The following PARD3B variants were observed in gnomAD, a reference collection of about 807,000 sequenced individuals.
PARD3B encodes the protein partitioning defective 3 homolog B.
PARD3B carries 103 observed loss-of-function variants against 130.2 expected under a neutral mutation model. That is an observed-to-expected ratio of 0.79 (90% CI 0.67 to 0.93). The LOEUF is 0.93. Ranked by LOEUF, PARD3B falls within the 40% of genes least tolerant of loss-of-function variation. The pLI, the probability that PARD3B is intolerant of heterozygous loss-of-function variation, is 0.00. For missense variants in PARD3B, 1,609 were observed against 1,499.2 expected (o/e 1.07, Z -1.21); for synonymous variants, 583 against 553.2 (o/e 1.05, Z -0.76).
At chr2:204,787,309 C>G (rs1055775272) in intron 2 of PARD3B, among the ~76,000 whole-genome samples, 5 of 152,106 alleles carry the variant, frequency 3.3e-5, no homozygotes, top group African/African-American at 1.2e-4. Flanking sequence ...TTAGAGACCC[C>G]TCAACTTCTG....
At chr2:205,134,698 C>G (rs2032321898) in intron 10 of PARD3B, among the ~76,000 whole-genome samples, 1 of 152,110 alleles carries the variant, frequency 6.6e-6, no homozygotes, top group Admixed American at 6.6e-5. Context: ...TTGCTGCTCC[C>G]TAAGAAGTAC....
At chr2:205,033,394 A>G (rs1397482) in intron 3 of PARD3B, among the ~76,000 whole-genome samples, 56,432 of 151,966 alleles carry the variant, frequency 0.37, 10,709 homozygotes, top group South Asian at 0.51. Flanking sequence ...GCTATAGATT[A>G]TCTCCTTTTG....
At chr2:204,665,382 T>C (rs2035979361) in intron 1 of PARD3B, among the ~76,000 whole-genome samples, 1 of 152,150 alleles carries the variant, frequency 6.6e-6, no homozygotes, top group African/African-American at 2.4e-5. Flanking sequence ...CTGGTGTGGC[T>C]CTTCTGTGGC....
chr2:204,754,220 T>G (rs1301054501), intron 2 of PARD3B, among the ~76,000 whole-genome samples: 1 of 152,118 alleles, frequency 6.6e-6, no homozygotes, highest in Non-Finnish European at 1.5e-5. Context: ...TCACAGGTGA[T>G]TTGGTTGGTA....
chr2:204,800,138 A>G (rs981969175), intron 2 of PARD3B, among the ~76,000 whole-genome samples: 1 of 152,222 alleles, frequency 6.6e-6, no homozygotes, highest in South Asian at 2.1e-4. Flanking sequence ...GATAGCACAG[A>G]GAAGGAATTC....
chr2:205,206,216 CT>C (rs201694463), intron 15 of PARD3B, among the ~76,000 whole-genome samples: 3,049 of 127,820 alleles, frequency 0.024, 47 homozygotes, highest in South Asian at 0.05. Flanking sequence ...TTTTTTTTTT[CT>C]TTTTTTTTTT....
At position 204,965,232 on chromosome 2, in the gene PARD3B, A is replaced by G. The variant is rs1334039771; in HGVS notation, c.303A>G (p.Pro101=). 15 of 1,613,982 alleles carry G rather than the reference A, an allele frequency of 9.3e-6. No homozygotes were observed. Among genetic ancestry groups the G allele is most frequent in the Non-Finnish European group, 1.3e-5 (15 of 1,179,918 alleles). The change falls in exon 3 of 23, where the codon CCA becomes CCG. Residue 101 remains proline (P), a synonymous_variant. Transcript: ENST00000406610. The part of the protein sequence containing the change: ...PSGNPADRQS[P]DAFETEVAAQ... ...GAAACCCTGCAGATCGGCAGAGCCCAGATGCTTTTGAGACAGAAGTGGCCG... is the reference window on the plus strand; with the variant it reads ...GAAACCCTGCAGATCGGCAGAGCCCGGATGCTTTTGAGACAGAAGTGGCCG...
At chr2:205,192,313 T>C (rs2036440034) in intron 14 of PARD3B, among the ~76,000 whole-genome samples, 1 of 152,210 alleles carries the variant, frequency 6.6e-6, no homozygotes, top group South Asian at 2.1e-4. Context: ...CTTTAGATTT[T>C]GTAAGGATAC....
In PARD3B at chr2:204,550,582, A is replaced by G. The variant is rs532244190; in HGVS notation, c.120+4463A>G. On this transcript the variant is annotated intron_variant, in intron 1 of 22. Transcript: ENST00000406610. ...ATAGCAGGCATGCTGGAATTTACAA[A>G]GGCCAATTTGTGGCTCTGACTGCGT... is the stretch of plus-strand genomic sequence containing the variant. Among the ~76,000 whole-genome samples the G allele has an allele frequency of 2.0e-5, 3 of 152,352 alleles. No homozygotes were observed. In the South Asian group the frequency reaches 6.2e-4, roughly 32 times the overall value.
intron 18 of PARD3B, among the ~76,000 whole-genome samples, chr2:205,395,255 C>T (rs941663154): frequency 6.6e-6 from 1 of 152,164 alleles, no homozygotes; most frequent in South Asian, 2.1e-4. Context: ...GCCTACATGG[C>T]TTCTGTTCAC....
intron 2 of PARD3B, among the ~76,000 whole-genome samples, chr2:204,756,133 T>A (rs898360948): frequency 6.6e-6 from 1 of 152,114 alleles, no homozygotes; most frequent in African/African-American, 2.4e-5. Flanking sequence ...GTTAGTGTTC[T>A]GGGCAAAGAA....
At chr2:205,505,881 T>A (rs535920294) in intron 21 of PARD3B, among the ~76,000 whole-genome samples, 10 of 151,950 alleles carry the variant, frequency 6.6e-5, no homozygotes, top group South Asian at 2.1e-4. Context: ...CCAACCTTTT[T>A]AAAAAAAAAT....
intron 1 of PARD3B, among the ~76,000 whole-genome samples, chr2:204,684,604 G>A (rs984252701): frequency 1.3e-5 from 2 of 152,010 alleles, no homozygotes; most frequent in Non-Finnish European, 2.9e-5. Flanking sequence ...CTCCCTTTTT[G>A]AAATCTGGCC....
chr2:204,978,406 G>T (rs985132147), intron 3 of PARD3B, among the ~76,000 whole-genome samples: 1 of 152,124 alleles, frequency 6.6e-6, no homozygotes, highest in African/African-American at 2.4e-5. Context: ...ACAATTCTGT[G>T]CAACAGTTCT....
rs1689048681 is a variant in PARD3B at position 204,943,165 on chromosome 2, T to C, written c.223-21987T>C. ...TTCTTAATGTGTGTATGTGTGTGTG[T>C]GTATGTGTATGCATATATATATATG... On this transcript the variant is annotated intron_variant, in intron 2 of 22. Transcript: ENST00000406610. The surrounding 1 kb of genome is among the most constrained non-coding windows in gnomAD (Gnocchi z 4.2). Among the ~76,000 whole-genome samples the C allele has an allele frequency of 6.6e-6, 1 of 152,146 alleles. No homozygotes were observed. The highest frequency in any genetic ancestry group is 2.4e-5 in the African/African-American group (1 of 41,430).
At chr2:205,487,277 T>TA (rs1283415580) in intron 20 of PARD3B, among the ~76,000 whole-genome samples, 1 of 152,234 alleles carries the variant, frequency 6.6e-6, no homozygotes, top group Non-Finnish European at 1.5e-5. Context: ...TCTCCTTTTT[T>TA]AAAACACTCT....
At chr2:204,718,158 CT>C (rs761081141) in intron 2 of PARD3B, among the ~76,000 whole-genome samples, 4 of 151,546 alleles carry the variant, frequency 2.6e-5, no homozygotes, top group African/African-American at 9.7e-5. Context: ...TTTGTGTTAT[CT>C]TTTTTTTTCT....
chr2:204,910,932 G>A (rs760265728), intron 2 of PARD3B, among the ~76,000 whole-genome samples: 6 of 152,150 alleles, frequency 3.9e-5, no homozygotes, highest in East Asian at 3.9e-4. Context: ...ATGAGACACC[G>A]CGCCCGGCCA....
At chr2:204,970,503 G>A (rs1311768000) in intron 3 of PARD3B, among the ~76,000 whole-genome samples, 3 of 152,098 alleles carry the variant, frequency 2.0e-5, no homozygotes, top group Admixed American at 6.5e-5. Context: ...TCTCCAATGG[G>A]CCATGATGGT....
Sources: allele counts gnomAD v4.1 joint callset (sites outside exome capture counted in the v4.1 genomes callset), GRCh38; gene constraint gnomAD v4.1.1; non-coding constraint Gnocchi (gnomAD v3.1); transcripts MANE v1.5; gene names NCBI Gene and HGNC (gene_info 2026-07-23, HGNC 2026-07-21).